The following PPP2R1B variants were observed in gnomAD, a reference collection of about 807,000 sequenced individuals.
PPP2R1B encodes the protein protein phosphatase 2 scaffold subunit Abeta.
PPP2R1B carries 58 observed loss-of-function variants against 72.7 expected under a neutral mutation model. That is an observed-to-expected ratio of 0.80 (90% CI 0.65 to 0.99). PPP2R1B has a LOEUF of 0.99. PPP2R1B is among the 50% of genes least tolerant of loss of function. The pLI is 0.00. For missense variants in PPP2R1B, 695 were observed against 733.6 expected (o/e 0.95, Z 0.61); for synonymous variants, 256 against 264.6 (o/e 0.97, Z 0.32).
chr11:111,756,554 C>G lies in PPP2R1B; in HGVS notation c.688-1104G>C, dbSNP rs1251189277. On this transcript the variant is annotated intron_variant, in intron 5 of 14. Coordinates refer to ENST00000527614, the MANE Select transcript of PPP2R1B (RefSeq NM_002716.5). ...AGCTTAGTTTTCAAAAAACTCAGAT[C>G]AGGGTCGCAGTAACAGGAGTGTAGG... 1.7e-4 allele frequency among the ~76,000 whole-genome samples: 26 copies of G among 152,102 alleles called. 1 individual carries two copies. Among genetic ancestry groups the G allele is most frequent in the Admixed American group, 1.7e-3 (26 of 15,280 alleles).
chr11:111,750,846 T>G (rs1944878224), intron 10 of PPP2R1B, among the ~76,000 whole-genome samples: 1 of 150,546 alleles, frequency 6.6e-6, no homozygotes, highest in South Asian at 2.1e-4. Context: ...TTGTTTTGTT[T>G]TTTTTTTTTT....
At chr11:111,749,498 T>C (rs1944824482) in intron 10 of PPP2R1B, among the ~76,000 whole-genome samples, 1 of 151,992 alleles carries the variant, frequency 6.6e-6, no homozygotes, top group African/African-American at 2.4e-5. Flanking sequence ...TTGGTCAGGC[T>C]GGGCTCAAAC....
At position 111,740,772 on chromosome 11, in the gene PPP2R1B, TGTG is replaced by T. The variant is rs1944490378; in HGVS notation, c.*821_*823del. On this transcript the variant is annotated 3_prime_UTR_variant, in exon 15 of 15. Transcript: ENST00000527614. The stretch of plus-strand genomic sequence containing the variant: ...CAGGAAATCTGCACAGTATTATCCC[TGTG>T]GTTCTTAGACTCATTCGAAATACAG... The T allele has an allele frequency of 1.0e-6, 1 of 985,344 alleles. No homozygotes were observed. The highest frequency in any genetic ancestry group is 4.7e-5 in the South Asian group (1 of 21,296). The allele number at this position is 985,344 out of a possible 1,614,324, so 61.0% of individuals were successfully genotyped here. A position where few individuals can be genotyped will look rare whatever the true frequency, so the allele number is the denominator to read the frequency against.
intron 9 of PPP2R1B, 36 bp from the exon 10 acceptor site, chr11:111,752,368 A>C: frequency 6.4e-7 from 1 of 1,555,384 alleles, no homozygotes; most frequent in Non-Finnish European, 8.7e-7. Flanking sequence ...CCACATTTAA[A>C]AATCAAGTAC....
In PPP2R1B at chr11:111,739,207, A is replaced by T. The variant is rs1051387736; in HGVS notation, c.*2389T>A. 2.0e-6 allele frequency: 2 copies of T among 981,110 alleles called. No individual in the cohort carries two copies. Among genetic ancestry groups the T allele is most frequent in the Admixed American group, 1.2e-4 (2 of 16,286 alleles). 60.8% of individuals were successfully genotyped at this position (981,110 alleles called of 1,614,324 possible). ...AACACATTTTTATTGAGCACCTATT[A>T]TGTGCACCAGACACTGTTCCAGGCA... On this transcript the variant is annotated 3_prime_UTR_variant, in exon 15 of 15. Coordinates refer to ENST00000527614, the MANE Select transcript of PPP2R1B (RefSeq NM_002716.5).
At position 111,745,244 on chromosome 11, in the gene PPP2R1B, G is replaced by A. The variant is rs1314505107; in HGVS notation, c.1400-1714C>T. On this transcript the variant is annotated intron_variant, in intron 11 of 14. Coordinates refer to ENST00000527614, the MANE Select transcript of PPP2R1B (RefSeq NM_002716.5). ...TTTTTGTGTTTTTAGTAGAGACAGG[G>A]TTTCACCATGTTGGCCAGGCTGGTC... 5.3e-5 allele frequency among the ~76,000 whole-genome samples: 8 copies of A among 151,906 alleles called. No individual in the cohort carries two copies. The East Asian group carries it at 1.4e-3, about 26-fold the overall frequency.
At chr11:111,734,257 C>A (rs1160355465), downstream of PPP2R1B, among the ~76,000 whole-genome samples, 2 of 152,240 alleles carry the variant, frequency 1.3e-5, no homozygotes, top group African/African-American at 4.8e-5. Context: ...TCTGTCTTCA[C>A]TGACTTAAGG....
chr11:111,700,018 G>A, the PPP2R1B span, among the ~76,000 whole-genome samples: 1 of 152,208 alleles, frequency 6.6e-6, no homozygotes, highest in African/African-American at 2.4e-5. Context: ...GACAGCATGA[G>A]TATAACTTAA....
At chr11:111,721,119 C>T in the PPP2R1B span, 54 of 1,537,468 alleles carry the variant, frequency 3.5e-5, no homozygotes, top group Non-Finnish European at 4.5e-5. Context: ...GTGAGTTTGT[C>T]CTGAAGATGG....
At chr11:111,742,727 A>T (rs1944568503) in intron 12 of PPP2R1B, 62 bp from the exon 13 acceptor site, 2 of 1,394,484 alleles carry the variant, frequency 1.4e-6, no homozygotes, top group African/African-American at 2.9e-5. Context: ...ATCTAATGAA[A>T]CAAATTAATA....
the PPP2R1B span, chr11:111,721,856 C>T: frequency 5.6e-6 from 9 of 1,611,736 alleles, no homozygotes; most frequent in South Asian, 5.5e-5. Context: ...AGCAGGAAAG[C>T]GTCTCCACTC....
chr11:111,711,211 C>T, the PPP2R1B span, among the ~76,000 whole-genome samples: 1,077 of 151,926 alleles, frequency 7.1e-3, 9 homozygotes, highest in Non-Finnish European at 1.0e-2. Context: ...CTCCGCCTCC[C>T]GGGTTCACAC....
At chr11:111,763,929 T>C (rs1184126042) in intron 3 of PPP2R1B, among the ~76,000 whole-genome samples, 1 of 151,598 alleles carries the variant, frequency 6.6e-6, no homozygotes, top group African/African-American at 2.4e-5. Flanking sequence ...CATGGAAAAG[T>C]CAGAACTAGA....
At chr11:111,735,620 G>A (rs1290228630), downstream of PPP2R1B, among the ~76,000 whole-genome samples, 1 of 152,224 alleles carries the variant, frequency 6.6e-6, no homozygotes, top group Admixed American at 6.5e-5. Flanking sequence ...GTGCCAAGGA[G>A]GCGCTCTTCA....
the PPP2R1B span, among the ~76,000 whole-genome samples, chr11:111,708,216 T>C: frequency 6.6e-6 from 1 of 152,022 alleles, no homozygotes; most frequent in Non-Finnish European, 1.5e-5. Flanking sequence ...ATGCCATCTC[T>C]ACTAAAAACA....
rs375058193 is a variant in PPP2R1B at position 111,753,448 on chromosome 11, C to A, written c.1159G>T (p.Asp387Tyr). The change falls in exon 9 of 15, where the codon GAT (aspartate) becomes TAT (tyrosine). Residue 387 changes from aspartate (D) to tyrosine (Y), a missense_variant. Physicochemically the swap from Asp to Tyr is radical, Grantham distance 160. Coordinates refer to ENST00000527614, the MANE Select transcript of PPP2R1B (RefSeq NM_002716.5). Reference sequence around the variant, plus strand: ...GAACATAAAGCAAGACCCACCTCATCCTTTAACTGAGCTAAGAAAAGAGGT... The same window carrying A: ...GAACATAAAGCAAGACCCACCTCATACTTTAACTGAGCTAAGAAAAGAGGT... ...LLPLFLAQLK[D>Y]ECPDVRLNII... is the part of the protein sequence containing the mutation. The A allele has an allele frequency of 1.9e-6, 3 of 1,612,664 alleles. No individual in the cohort carries two copies. Among genetic ancestry groups the A allele is most frequent in the Admixed American group, 3.3e-5 (2 of 59,722 alleles).
chr11:111,711,681 T>G, the PPP2R1B span, among the ~76,000 whole-genome samples: 1 of 152,208 alleles, frequency 6.6e-6, no homozygotes, highest in Non-Finnish European at 1.5e-5. Context: ...TTTCTTCCTC[T>G]TCGCATACAC....
Position 111,754,350 on chromosome 11 carries a change from A to T in PPP2R1B, c.1029+149T>A, listed in dbSNP as rs568532077. On this transcript the variant is annotated intron_variant, in intron 8 of 14. Coordinates refer to ENST00000527614, the MANE Select transcript of PPP2R1B (RefSeq NM_002716.5). ...ACAATGGGCTAATAAGTGATGAATAACAATGTTGCACATTAACACATCTTC... is the reference window on the plus strand; with the variant it reads ...ACAATGGGCTAATAAGTGATGAATATCAATGTTGCACATTAACACATCTTC... 9 of 1,108,972 alleles carry T rather than the reference A, an allele frequency of 8.1e-6. No individual in the cohort carries two copies. In the South Asian group the frequency reaches 1.4e-4, roughly 17 times the overall value. 68.7% of individuals were successfully genotyped at this position (1,108,972 alleles called of 1,614,324 possible).
At chr11:111,737,650 G>T, downstream of PPP2R1B, 1 of 1,593,676 alleles carries the variant, frequency 6.3e-7, no homozygotes. Context: ...TCCCAGCCAG[G>T]ATGCCCTCAG....
Sources: gnomAD v4.1 joint callset for allele counts (sites outside exome capture counted in the v4.1 genomes callset) on GRCh38, gnomAD v4.1.1 for gene constraint, MANE v1.5 for transcripts, NCBI Gene and HGNC (gene_info 2026-07-23, HGNC 2026-07-21) for gene names.